Variants in GMDS observed in about 807,000 individuals in gnomAD.
GMDS encodes the protein GDP-mannose 4,6-dehydratase.
Under a neutral mutation model 49.9 loss-of-function variants are expected in GMDS, and 20 were observed. The observed-to-expected ratio is 0.40, with a 90% CI of 0.28 to 0.58. The LOEUF is 0.58. Among genes scored for constraint, GMDS ranks in the 20% least tolerant of loss-of-function variants. GMDS has a pLI of 0.42. For synonymous variants in GMDS, 177 were observed against 178.6 expected (o/e 0.99, Z 0.07); for missense variants, 362 against 481.4 (o/e 0.75, Z 2.32).
intron 6 of GMDS, among the ~76,000 whole-genome samples, chr6:1,937,326 A>C (rs574739005): frequency 6.6e-6 from 1 of 152,228 alleles, no homozygotes; most frequent in East Asian, 1.9e-4. Flanking sequence ...AAAAGCTTCA[A>C]CATTCTGTTA....
At chr6:2,196,005 G>A (rs1347092305) in intron 1 of GMDS, among the ~76,000 whole-genome samples, 4 of 151,960 alleles carry the variant, frequency 2.6e-5, no homozygotes, top group Admixed American at 2.0e-4. Context: ...GACAATTGGG[G>A]ACTGATTTCA....
Position 1,962,963 on chromosome 6 carries a change from G to C in GMDS, c.346-1997C>G, listed in dbSNP as rs1764050084. Reference sequence around the variant, plus strand: ...GCGATCTGGACTCACTGCAACCTCTGCCTCCCGGGTTCAAGTGATTTTCCT... The same window carrying C: ...GCGATCTGGACTCACTGCAACCTCTCCCTCCCGGGTTCAAGTGATTTTCCT... On this transcript the variant is annotated intron_variant, in intron 4 of 10. Coordinates refer to ENST00000380815, the MANE Select transcript of GMDS (RefSeq NM_001500.4). Among the ~76,000 whole-genome samples the C allele has an allele frequency of 2.7e-5, 4 of 148,202 alleles. No individual in the cohort carries two copies. In the South Asian group the frequency reaches 8.5e-4, roughly 32 times the overall value.
rs1047147964 is a variant in GMDS, at chr6:1,629,800, G to C, written c.988-5260C>G. Among the ~76,000 whole-genome samples the C allele has an allele frequency of 1.9e-4, 29 of 152,190 alleles. 1 individual carries two copies. Among genetic ancestry groups the C allele is most frequent in the Admixed American group, 1.9e-3 (29 of 15,278 alleles). On this transcript the variant is annotated intron_variant, in intron 9 of 10. Transcript: ENST00000380815. Reference sequence around the variant, plus strand: ...ATCCCACTTTTCTGATGGGATCTCGGTAGAATTTGTCATTTGGGATCAGCG... The same window carrying C: ...ATCCCACTTTTCTGATGGGATCTCGCTAGAATTTGTCATTTGGGATCAGCG...
chr6:1,744,563 G>C (rs918125918), intron 7 of GMDS, among the ~76,000 whole-genome samples: 2 of 127,854 alleles, frequency 1.6e-5, no homozygotes, highest in African/African-American at 2.7e-5. Context: ...ACAATGGCTT[G>C]GTAGCTCCCT....
At chr6:1,989,983 T>C (rs1765828221) in intron 4 of GMDS, among the ~76,000 whole-genome samples, 1 of 152,272 alleles carries the variant, frequency 6.6e-6, no homozygotes, top group Non-Finnish European at 1.5e-5. Context: ...GTGAAGATTT[T>C]CCACGTAGGT....
At chr6:2,225,550 T>G (rs1277332438) in intron 1 of GMDS, among the ~76,000 whole-genome samples, 2 of 152,170 alleles carry the variant, frequency 1.3e-5, no homozygotes, top group Admixed American at 6.5e-5. Flanking sequence ...CCTAGGCTGT[T>G]CTATGCAAAT....
At chr6:1,651,765 T>C (rs1456427299) in intron 9 of GMDS, among the ~76,000 whole-genome samples, 1 of 151,912 alleles carries the variant, frequency 6.6e-6, no homozygotes, top group African/African-American at 2.4e-5. Context: ...CCCCACAGAG[T>C]TGTAAGGAAG....
At chr6:1,938,803 CTTAAT>C (rs1054796240) in intron 6 of GMDS, among the ~76,000 whole-genome samples, 10 of 152,038 alleles carry the variant, frequency 6.6e-5, no homozygotes, top group South Asian at 2.1e-4. Context: ...TTTCTACTCT[CTTAAT>C]TTCTTTTTTT....
rs114377354 is a variant in GMDS, at chr6:2,086,626, A to G, written c.345+29145T>C. 8.1e-3 allele frequency among the ~76,000 whole-genome samples: 1,229 copies of G among 152,322 alleles called. 16 individuals are homozygous for G. The highest frequency in any genetic ancestry group is 0.028 in the African/African-American group (1,175 of 41,566). On this transcript the variant is annotated intron_variant, in intron 4 of 10. Transcript: ENST00000380815. Reference sequence around the variant, plus strand: ...GCTCCCAGCTTTTACATACTTTTCAATTCATATAATAGACATTTCACAGAA... The same window carrying G: ...GCTCCCAGCTTTTACATACTTTTCAGTTCATATAATAGACATTTCACAGAA...
At chr6:1,826,628 T>C (rs976054258) in intron 7 of GMDS, among the ~76,000 whole-genome samples, 11 of 152,244 alleles carry the variant, frequency 7.2e-5, no homozygotes, top group African/African-American at 2.7e-4. Flanking sequence ...TTACACATAA[T>C]ACCTGATTGC....
At position 2,074,359 on chromosome 6, in the gene GMDS, A is replaced by AT. The variant is rs762559164; in HGVS notation, c.345+41411dup. ...TGGGCTTTGCCTACTTTTCAATGGG[A>AT]TTTTTTTTATTGTTGAGCTATTTGA... is the stretch of plus-strand genomic sequence containing the variant. On this transcript the variant is annotated intron_variant, in intron 4 of 10. Coordinates refer to ENST00000380815, the MANE Select transcript of GMDS (RefSeq NM_001500.4). 4.6e-5 allele frequency among the ~76,000 whole-genome samples: 7 copies of AT among 152,022 alleles called. No homozygotes were observed. The South Asian group carries it at 6.2e-4, about 14-fold the overall frequency.
intron 1 of GMDS, among the ~76,000 whole-genome samples, chr6:2,156,409 C>T (rs1161871418): frequency 6.6e-6 from 1 of 152,070 alleles, no homozygotes; most frequent in East Asian, 1.9e-4. Flanking sequence ...GCAAGCCTGC[C>T]TGCCTTGCAC....
At chr6:1,996,521 G>A (rs1345156633) in intron 4 of GMDS, among the ~76,000 whole-genome samples, 1 of 152,188 alleles carries the variant, frequency 6.6e-6, no homozygotes, top group Non-Finnish European at 1.5e-5. Context: ...TAAGTCTGCT[G>A]GTAGACAGGA....
At chr6:1,846,096 T>C (rs942480832) in intron 7 of GMDS, among the ~76,000 whole-genome samples, 1 of 149,544 alleles carries the variant, frequency 6.7e-6, no homozygotes, top group Non-Finnish European at 1.5e-5. Flanking sequence ...TTTTTTTTTT[T>C]TTTTCCTCCT....
intron 1 of GMDS, among the ~76,000 whole-genome samples, chr6:2,234,519 G>T (rs916874307): frequency 6.6e-6 from 1 of 152,068 alleles, no homozygotes; most frequent in Non-Finnish European, 1.5e-5. Context: ...TGAAGCAGGA[G>T]AATCACTTGA....
intron 7 of GMDS, among the ~76,000 whole-genome samples, chr6:1,785,460 A>G (rs1769277727): frequency 6.6e-6 from 1 of 152,186 alleles, no homozygotes; most frequent in South Asian, 2.1e-4. Context: ...GGGAGATTCC[A>G]CAGCTGGCAG....
In GMDS at chr6:1,833,250, C is replaced by A. The variant is rs1481328045; in HGVS notation, c.772-90664G>T. On this transcript the variant is annotated intron_variant, in intron 7 of 10. Coordinates refer to ENST00000380815, the MANE Select transcript of GMDS (RefSeq NM_001500.4). This position sits in a 1 kb window ranked among gnomAD's most constrained non-coding sequence, Gnocchi z 4.4. ...TGTCGTCTCCCGCTGGGCTTCAATGCCAAAACTACACGTGTCAGTGACTTC... is the reference window on the plus strand; with the variant it reads ...TGTCGTCTCCCGCTGGGCTTCAATGACAAAACTACACGTGTCAGTGACTTC... Among the ~76,000 whole-genome samples, 1 of 151,482 alleles carries A rather than the reference C, an allele frequency of 6.6e-6. No homozygotes were observed. The highest frequency in any genetic ancestry group is 1.9e-4 in the East Asian group (1 of 5,158).
intron 9 of GMDS, among the ~76,000 whole-genome samples, chr6:1,707,869 G>T (rs1391383034): frequency 6.6e-6 from 1 of 152,172 alleles, no homozygotes; most frequent in Non-Finnish European, 1.5e-5. Context: ...GGGAAAATAG[G>T]CTTGTGTTGG....
chr6:2,063,669 A>G (rs1169393878), intron 4 of GMDS, among the ~76,000 whole-genome samples: 1 of 152,244 alleles, frequency 6.6e-6, no homozygotes, highest in Non-Finnish European at 1.5e-5. Flanking sequence ...TGAATGCCAC[A>G]ATGGCTGTCA....
Sources: gnomAD v4.1 joint callset for allele counts (sites outside exome capture counted in the v4.1 genomes callset) on GRCh38, gnomAD v4.1.1 for gene constraint, Gnocchi (gnomAD v3.1) non-coding constraint, MANE v1.5 for transcripts, NCBI Gene and HGNC (gene_info 2026-07-23, HGNC 2026-07-21) for gene names.